The following GPT2 variants were observed in gnomAD, a reference collection of about 807,000 sequenced individuals.
GPT2 encodes glutamic--pyruvic transaminase 2.
A neutral mutation model predicts 56.9 loss-of-function variants in GPT2; 30 were observed. The ratio of observed to expected loss-of-function variants is 0.53; its 90% CI spans 0.39 to 0.72. GPT2 has a LOEUF of 0.72. Ranked by LOEUF, GPT2 falls within the 30% of genes least tolerant of loss-of-function variation. The pLI is 0.00. For missense variants in GPT2, 542 were observed against 703.4 expected (o/e 0.77, Z 2.60); for synonymous variants, 271 against 283.1 (o/e 0.96, Z 0.43).
At chr16:46,911,653 C>T (rs562789826) in intron 6 of GPT2, among the ~76,000 whole-genome samples, 266 of 152,314 alleles carry the variant, frequency 1.7e-3, no homozygotes, top group Non-Finnish European at 3.0e-3. Context: ...GACCCACTGC[C>T]TCAGAAGCAT....
chr16:46,895,106 G>A lies in GPT2; in HGVS notation c.244-2542G>A, dbSNP rs367685296. On this transcript the variant is annotated intron_variant, in intron 2 of 11. Coordinates refer to ENST00000340124, the MANE Select transcript of GPT2 (RefSeq NM_133443.4). ...TTTATGATGGTCCAGAGCCACTTCC[G>A]GGGCATCTTCAGTCCCCCATGCCTC... Among the ~76,000 whole-genome samples, 93 of 152,156 alleles carry A rather than the reference G, an allele frequency of 6.1e-4. 2 individuals carry two copies. Among genetic ancestry groups the A allele is most frequent in the African/African-American group, 2.1e-3 (88 of 41,504 alleles).
chr16:46,890,289 C>T (rs1305157814), intron 2 of GPT2, among the ~76,000 whole-genome samples: 3 of 152,280 alleles, frequency 2.0e-5, no homozygotes, highest in South Asian at 2.1e-4. Flanking sequence ...GCTTTCTGCC[C>T]GCCCTAGCCC....
intron 2 of GPT2, 67 bp from the exon 3 acceptor site, chr16:46,897,581 G>T: frequency 6.9e-7 from 1 of 1,457,880 alleles, no homozygotes; most frequent in Non-Finnish European, 9.6e-7. Flanking sequence ...CGGGAACCTT[G>T]CCTGGCCTCT....
At chr16:46,890,552 A>G (rs1003717224) in intron 2 of GPT2, among the ~76,000 whole-genome samples, 1 of 152,198 alleles carries the variant, frequency 6.6e-6, no homozygotes, top group East Asian at 1.9e-4. Flanking sequence ...CCCACAGGCC[A>G]TGTGAAGTGA....
In GPT2 at chr16:46,884,699, C is replaced by T. The variant is rs781409778; in HGVS notation, c.-17C>T. The T allele has an allele frequency of 2.7e-5, 37 of 1,373,098 alleles. No homozygotes were observed. The East Asian group carries it at 9.5e-4, about 35-fold the overall frequency. The allele number at this position is 1,373,098 out of a possible 1,614,324, so 85.1% of individuals were successfully genotyped here. Reference sequence around the variant, plus strand: ...TTTTTCTCTTTTTGTGCCAGGGTTTCTCTCCGCAAGCGCGCGATGCAGCGG... The same window carrying T: ...TTTTTCTCTTTTTGTGCCAGGGTTTTTCTCCGCAAGCGCGCGATGCAGCGG... On this transcript the variant is annotated 5_prime_UTR_variant, in exon 2 of 12. Coordinates refer to ENST00000340124, the MANE Select transcript of GPT2 (RefSeq NM_133443.4).
At chr16:46,905,117 C>T (rs1211911635) in intron 4 of GPT2, among the ~76,000 whole-genome samples, 1 of 150,800 alleles carries the variant, frequency 6.6e-6, no homozygotes, top group East Asian at 1.9e-4. Context: ...AGTACAGTGG[C>T]GCAATCTTGG....
intron 5 of GPT2, among the ~76,000 whole-genome samples, chr16:46,908,823 C>T (rs1167483788): frequency 6.6e-6 from 1 of 152,164 alleles, no homozygotes; most frequent in Non-Finnish European, 1.5e-5. Flanking sequence ...TGGAAAGAAT[C>T]AAGTCATTGT....
At chr16:46,889,522 C>T (rs990172261) in intron 2 of GPT2, among the ~76,000 whole-genome samples, 7 of 152,002 alleles carry the variant, frequency 4.6e-5, no homozygotes, top group South Asian at 2.1e-4. Context: ...CCCAAAGCGC[C>T]AGGATTACCT....
At chr16:46,919,084 G>A (rs991379307) in intron 8 of GPT2, among the ~76,000 whole-genome samples, 6 of 152,244 alleles carry the variant, frequency 3.9e-5, no homozygotes, top group Non-Finnish European at 8.8e-5. Context: ...GGCAGATAGA[G>A]CAGACAAACA....
chr16:46,885,401 T>TG (rs1182209896), intron 2 of GPT2: 1,604 of 234,400 alleles, frequency 6.8e-3, no homozygotes, highest in Middle Eastern at 0.018. Context: ...GGAGACGGGG[T>TG]GGGGGGGGCT....
chr16:46,923,318 C>T (rs1017900635), intron 9 of GPT2, among the ~76,000 whole-genome samples: 2 of 152,098 alleles, frequency 1.3e-5, no homozygotes, highest in African/African-American at 4.8e-5. Context: ...AAAAATCAGC[C>T]GGGATGGTAC....
intron 6 of GPT2, among the ~76,000 whole-genome samples, chr16:46,910,501 G>A (rs1961029001): frequency 6.6e-6 from 1 of 151,774 alleles, no homozygotes; most frequent in Admixed American, 6.6e-5. Flanking sequence ...GTTGCAGTGA[G>A]CCAAGATTAT....
At chr16:46,898,992 A>ATAAC (rs1355515495) in intron 3 of GPT2, among the ~76,000 whole-genome samples, 1 of 62,324 alleles carries the variant, frequency 1.6e-5, no homozygotes, top group African/African-American at 4.9e-5. Context: ...ATATATATAT[A>ATAAC]ACACACATAT....
chr16:46,924,115 C>T (rs1008763843), intron 9 of GPT2: 3 of 467,540 alleles, frequency 6.4e-6, no homozygotes, highest in Non-Finnish European at 1.2e-5. Flanking sequence ...TTGCTGTGCT[C>T]AGGCTCACAC....
At position 46,929,195 on chromosome 16, in the gene GPT2, A is replaced by C; in HGVS notation, c.*198A>C. Reference sequence around the variant, plus strand: ...TCTCTTTTGAGCAAACAAGCATTCTATATGCAACCAGAGTAGAGGGGACCT... The same window carrying C: ...TCTCTTTTGAGCAAACAAGCATTCTCTATGCAACCAGAGTAGAGGGGACCT... On this transcript the variant is annotated 3_prime_UTR_variant, in exon 12 of 12. Transcript: ENST00000340124. 3.4e-6 allele frequency: 2 copies of C among 585,352 alleles called. No individual in the cohort carries two copies. The highest frequency in any genetic ancestry group is 6.1e-6 in the Non-Finnish European group (2 of 326,316). 36.3% of individuals were successfully genotyped at this position (585,352 alleles called of 1,614,324 possible). A position where few individuals can be genotyped will look rare whatever the true frequency, so the allele number is the denominator to read the frequency against.
intron 11 of GPT2, among the ~76,000 whole-genome samples, chr16:46,928,079 C>T (rs1049105942): frequency 5.9e-5 from 9 of 152,178 alleles, no homozygotes; most frequent in African/African-American, 1.4e-4. Flanking sequence ...GTGGCTCACA[C>T]GCTTTGGGAG....
At chr16:46,909,964 TG>T (rs760575998) in intron 6 of GPT2, 37 bp downstream of exon 6, 6 of 1,549,642 alleles carry the variant, frequency 3.9e-6, no homozygotes, top group Admixed American at 3.8e-5. Flanking sequence ...TCGTAGAGGG[TG>T]GGGGTGGCTG....
chr16:46,895,984 G>A (rs561063700), intron 2 of GPT2, among the ~76,000 whole-genome samples: 1 of 152,328 alleles, frequency 6.6e-6, no homozygotes, highest in Admixed American at 6.5e-5. Flanking sequence ...GTACCTTTGG[G>A]GAAGGGGCAG....
At chr16:46,897,871 C>CCTG in intron 3 of GPT2, 134 bp downstream of exon 3, 1 of 704,254 alleles carries the variant, frequency 1.4e-6, no homozygotes, top group South Asian at 1.9e-5. Flanking sequence ...CTCCCTTAGC[C>CCTG]TCCTTCCTGC....
Sources: gnomAD v4.1 joint callset for allele counts (sites outside exome capture counted in the v4.1 genomes callset) on GRCh38, gnomAD v4.1.1 for gene constraint, MANE v1.5 for transcripts, NCBI Gene and HGNC (gene_info 2026-07-23, HGNC 2026-07-21) for gene names.